PITPNM1: variants seen among roughly 807,000 people sequenced by gnomAD.
PITPNM1 encodes membrane-associated phosphatidylinositol transfer protein 1.
PITPNM1 carries 74 observed loss-of-function variants against 133.3 expected under a neutral mutation model. The observed-to-expected ratio is 0.56, with a 90% CI of 0.46 to 0.67. The LOEUF (loss-of-function observed/expected upper bound fraction) is 0.67. PITPNM1 is among the 30% of genes least tolerant of loss of function. The pLI is 0.00. For synonymous variants in PITPNM1, 738 were observed against 741.4 expected (o/e 1.00, Z 0.08); for missense variants, 1,398 against 1,739.5 (o/e 0.80, Z 3.49).
At position 67,494,086 on chromosome 11, in the gene PITPNM1, G is replaced by T. The variant is rs1004352260; in HGVS notation, c.2860-16C>A. ...AGACATCCACCTGGAGGGGAGAAGG[G>T]GCGGGAGGTAAATGGGGGCCCTGCG... On this transcript the variant is annotated splice_polypyrimidine_tract_variant and intron_variant, in intron 19 of 23. Transcript: ENST00000356404. 1 of 1,601,042 alleles carries T rather than the reference G, an allele frequency of 6.2e-7. No homozygotes were observed. The highest frequency in any genetic ancestry group is 8.5e-7 in the Non-Finnish European group (1 of 1,172,476).
At position 67,504,431 on chromosome 11, in the gene PITPNM1, C is replaced by T. The variant is rs1009394658; in HGVS notation, c.-41-210G>A. The T allele has an allele frequency of 1.8e-5, 3 of 170,476 alleles. No individual in the cohort carries two copies. Among genetic ancestry groups the T allele is most frequent in the African/African-American group, 7.2e-5 (3 of 41,922 alleles). 10.6% of individuals were successfully genotyped at this position (170,476 alleles called of 1,614,324 possible). ...GACCTCTTTTCCGCGCAGCCCCCGC[C>T]CCCCGCCCGCCCGTCGCCATGGCAA... On this transcript the variant is annotated intron_variant, in intron 1 of 23. Transcript: ENST00000356404. The surrounding 1 kb of genome is among the most constrained non-coding windows in gnomAD (Gnocchi z 5.4).
Position 67,502,533 on chromosome 11 carries a change from G to A in PITPNM1, c.264C>T (p.Ser88=). ...PKAALQVEEE[S]WNAYPYTRTR... is the part of the protein sequence containing the mutation. Reference sequence around the variant, plus strand: ...TTCGGGTGTAGGGGTAGGCATTCCAGGATTCCTCTTCTACCTGCAGGGCAG... The same window carrying A: ...TTCGGGTGTAGGGGTAGGCATTCCAAGATTCCTCTTCTACCTGCAGGGCAG... The change falls in exon 3 of 24, where the codon TCC becomes TCT. Residue 88 remains serine, a synonymous_variant. Transcript: ENST00000356404. The surrounding 1 kb of genome is among the most constrained non-coding windows in gnomAD (Gnocchi z 5.9). 3.7e-6 allele frequency: 6 copies of A among 1,613,784 alleles called. No individual in the cohort carries two copies. In the Admixed American group the frequency reaches 6.7e-5, roughly 18 times the overall value.
rs1240197651 is a variant in PITPNM1 at position 67,502,035 on chromosome 11, T to A, written c.467A>T (p.Glu156Val). 6.2e-7 allele frequency: 1 copy of A among 1,613,286 alleles called. No individual in the cohort carries two copies. The highest frequency in any genetic ancestry group is 8.5e-7 in the Non-Finnish European group (1 of 1,180,022). The change falls in exon 5 of 24, where the codon GAA (glutamate) becomes GTA (valine). Residue 156 changes from glutamate (E) to valine (V), a missense_variant. Around this residue, in one of 5 missense-constraint regions of PITPNM1, gnomAD observed 274 missense variants for 360.7 expected, o/e 0.76. Coordinates refer to ENST00000356404, the MANE Select transcript of PITPNM1 (RefSeq NM_004910.3). This position sits in a 1 kb window ranked among gnomAD's most constrained non-coding sequence, Gnocchi z 5.9. ...CGAGTGATAAAGCCGGGGGTCCTCT[T>A]CTGCTTTGTACTCGCCTGGGGCCAC... ...DAVAPGEYKAEEDPRLYHSVK... is the reference protein window; with the variant it reads ...DAVAPGEYKAVEDPRLYHSVK...
chr11:67,492,205 C>T lies in PITPNM1; in HGVS notation c.3563G>A (p.Gly1188Asp). Residue 1188 changes from glycine (G) to aspartate (D), a missense_variant, in exon 24 of 24, where the codon GGC becomes GAC. This residue lies in a region of PITPNM1 where 122 missense variants were observed against 123.3 expected (regional missense o/e 0.99). Transcript: ENST00000356404. ...ASSGPPRAALGKSSYGVAAPV... is the reference protein window; with the variant it reads ...ASSGPPRAALDKSSYGVAAPV... ...GGCAGCCACACCATAGCTGCTCTTGCCCAAGGCAGCTCTCGGGGGTCCCGA... is the reference window on the plus strand; with the variant it reads ...GGCAGCCACACCATAGCTGCTCTTGTCCAAGGCAGCTCTCGGGGGTCCCGA... 6.2e-7 allele frequency: 1 copy of T among 1,610,834 alleles called. No individual in the cohort carries two copies. The highest frequency in any genetic ancestry group is 2.2e-5 in the East Asian group (1 of 44,846).
chr11:67,494,409 G>T, intron 18 of PITPNM1, 49 bp from the exon 19 acceptor site: 1 of 1,346,576 alleles, frequency 7.4e-7, no homozygotes, highest in Non-Finnish European at 1.0e-6. Flanking sequence ...GGATGGGGAT[G>T]CTTGGGGAGG....
At chr11:67,499,889 T>C in intron 7 of PITPNM1, 25 bp downstream of exon 7, 1 of 1,603,418 alleles carries the variant, frequency 6.2e-7, no homozygotes, top group Non-Finnish European at 8.5e-7. Flanking sequence ...ACATCCCCAC[T>C]CCCAAAAAGG....
chr11:67,492,339 G>T (rs1209667011), intron 23 of PITPNM1, 43 bp from the exon 24 acceptor site: 1 of 1,504,808 alleles, frequency 6.6e-7, no homozygotes, highest in Admixed American at 2.3e-5. Context: ...GCTGGCCAAG[G>T]GCCCACACGC....
At position 67,496,036 on chromosome 11, in the gene PITPNM1, CA is replaced by C. The variant is rs1591056386; in HGVS notation, c.2317+141del. The C allele has an allele frequency of 1.2e-5, 10 of 847,844 alleles. No individual in the cohort carries two copies. In the East Asian group the frequency reaches 3.3e-4, roughly 28 times the overall value. 52.5% of individuals were successfully genotyped at this position (847,844 alleles called of 1,614,324 possible). A position where few individuals can be genotyped will look rare whatever the true frequency, so the allele number is the denominator to read the frequency against. ...AGGGTCCTGGGGATCCAGACCCCCC[CA>C]GGGGGAAGGAGCGCCTGGTCCTGGG... On this transcript the variant is annotated intron_variant, in intron 15 of 23. Coordinates refer to ENST00000356404, the MANE Select transcript of PITPNM1 (RefSeq NM_004910.3).
intron 16 of PITPNM1, 75 bp from the exon 17 acceptor site, chr11:67,495,300 CT>C: frequency 6.7e-7 from 1 of 1,493,240 alleles, no homozygotes. Context: ...GTGCTCTTCC[CT>C]CCCCCCTTTT....
At chr11:67,503,512 G>A (rs1866398611) in intron 2 of PITPNM1, among the ~76,000 whole-genome samples, 1 of 152,196 alleles carries the variant, frequency 6.6e-6, no homozygotes, top group South Asian at 2.1e-4. Context: ...GGCTCAGATG[G>A]CCCTTTCAAG....
chr11:67,493,053 T>G lies in PITPNM1; in HGVS notation c.3352A>C (p.Asn1118His), dbSNP rs759798852. 3.7e-6 allele frequency: 6 copies of G among 1,612,998 alleles called. No homozygotes were observed. The highest frequency in any genetic ancestry group is 5.1e-6 in the Non-Finnish European group (6 of 1,179,904). Residue 1118 changes from asparagine (N) to histidine (H), a missense_variant, in exon 23 of 24, where the codon AAC becomes CAC. Coordinates refer to ENST00000356404, the MANE Select transcript of PITPNM1 (RefSeq NM_004910.3). Reference protein sequence around the residue: ...LQSLVQEVELNIVAGYGSPKD... With the variant: ...LQSLVQEVELHIVAGYGSPKD... Reference sequence around the variant, plus strand: ...GGAGACCCATAACCGGCCACGATGTTCAGTTCTACCTGTGGCGGGAGATGC... The same window carrying G: ...GGAGACCCATAACCGGCCACGATGTGCAGTTCTACCTGTGGCGGGAGATGC...
chr11:67,501,674 T>G (rs1282169157), intron 5 of PITPNM1, among the ~76,000 whole-genome samples, 188 bp downstream of exon 5: 1 of 152,216 alleles, frequency 6.6e-6, no homozygotes, highest in Middle Eastern at 3.2e-3. Context: ...GTAGATCATG[T>G]TACCAGCTTC....
rs143525313 is a variant in PITPNM1, at chr11:67,499,958, C to T, written c.1019G>A (p.Arg340Gln). ...LSEWRMQNIA[R>Q]DSENSSEEEF... ...TTCCTCGGAGCTGTTCTCAGAGTCT[C>T]GGGCAATGTTCTGCATGCGCCACTC... Residue 340 changes from arginine (R) to glutamine (Q), a missense_variant, in exon 7 of 24, where the codon CGA (arginine) becomes CAA (glutamine). By Grantham distance (43) the Arg-to-Gln change is conservative. Coordinates refer to ENST00000356404, the MANE Select transcript of PITPNM1 (RefSeq NM_004910.3). 4.3e-5 allele frequency: 70 copies of T among 1,612,558 alleles called. No individual in the cohort carries two copies. The East Asian group carries it at 1.5e-3, about 34-fold the overall frequency.
Position 67,497,903 on chromosome 11 carries a change from T to C in PITPNM1, c.1782+14A>G, listed in dbSNP as rs762340535. ...CTTTCCGCTCCTGAGGAGGCCGGGT[T>C]TGGCTATACTGACCATGCTCCCACG... is the stretch of plus-strand genomic sequence containing the variant. On this transcript the variant is annotated intron_variant, in intron 12 of 23. Coordinates refer to ENST00000356404, the MANE Select transcript of PITPNM1 (RefSeq NM_004910.3). 6.2e-7 allele frequency: 1 copy of C among 1,608,416 alleles called. No individual in the cohort carries two copies. Among genetic ancestry groups the C allele is most frequent in the Admixed American group, 1.7e-5 (1 of 59,980 alleles).
At position 67,498,600 on chromosome 11, in the gene PITPNM1, A is replaced by T. The variant is rs1219171384; in HGVS notation, c.1480T>A (p.Ser494Thr). 3 of 1,595,500 alleles carry T rather than the reference A, an allele frequency of 1.9e-6. No homozygotes were observed. The South Asian group carries it at 3.3e-5, about 18-fold the overall frequency. The part of the protein sequence containing the change: ...PICAAAYALV[S>T]NLSPYSHDGD... Reference sequence around the variant, plus strand: ...CCTTCCACCCGTGGCTAGTACTTGGAGACAAGGGCATAGGCGGCGGCGCAG... The same window carrying T: ...CCTTCCACCCGTGGCTAGTACTTGGTGACAAGGGCATAGGCGGCGGCGCAG... Residue 494 changes from serine (S) to threonine (T), a missense_variant, in exon 10 of 24, where the codon TCC (serine) becomes ACC (threonine). Ser to Thr is a moderately conservative substitution (Grantham distance 58). Transcript: ENST00000356404. This position sits in a 1 kb window ranked among gnomAD's most constrained non-coding sequence, Gnocchi z 5.7.
rs1866383112 is a variant in PITPNM1 at position 67,502,926 on chromosome 11, G to A, written c.79-208C>T. Among the ~76,000 whole-genome samples, 1 of 152,222 alleles carries A rather than the reference G, an allele frequency of 6.6e-6. No individual in the cohort carries two copies. The highest frequency in any genetic ancestry group is 2.4e-5 in the African/African-American group (1 of 41,450). On this transcript the variant is annotated intron_variant, in intron 2 of 23. Coordinates refer to ENST00000356404, the MANE Select transcript of PITPNM1 (RefSeq NM_004910.3). This position sits in a 1 kb window ranked among gnomAD's most constrained non-coding sequence, Gnocchi z 5.9. ...CATGGGGTCTGCAACCCAGCACTCAGTTGAGTCATTCAAGTATTCATTGAG... is the reference window on the plus strand; with the variant it reads ...CATGGGGTCTGCAACCCAGCACTCAATTGAGTCATTCAAGTATTCATTGAG...
Position 67,492,209 on chromosome 11 carries a change from A to G in PITPNM1, c.3559T>C (p.Leu1187=), listed in dbSNP as rs767162638. 5 of 1,609,598 alleles carry G rather than the reference A, an allele frequency of 3.1e-6. No individual in the cohort carries two copies. In the African/African-American group the frequency reaches 5.4e-5, roughly 17 times the overall value. ...HASSGPPRAA[L]GKSSYGVAAP... is the part of the protein sequence containing the mutation. ...GCCACACCATAGCTGCTCTTGCCCAAGGCAGCTCTCGGGGGTCCCGAGGAG... is the reference window on the plus strand; with the variant it reads ...GCCACACCATAGCTGCTCTTGCCCAGGGCAGCTCTCGGGGGTCCCGAGGAG... Residue 1187 remains leucine (L), a synonymous_variant, in exon 24 of 24, where the codon TTG becomes CTG. Transcript: ENST00000356404.
intron 18 of PITPNM1, 63 bp downstream of exon 18, chr11:67,494,783 G>A (rs1316124239): frequency 2.3e-5 from 10 of 433,568 alleles, no homozygotes; most frequent in African/African-American, 7.2e-5. Context: ...GAGGGGCGGG[G>A]CCTCTCTGGT....
chr11:67,499,705 CCTAGGCGGTAT>C lies in PITPNM1; in HGVS notation c.1171+7_1171+17del. The C allele has an allele frequency of 7.1e-7, 1 of 1,413,528 alleles. No homozygotes were observed. The allele number at this position is 1,413,528 out of a possible 1,614,324, so 87.6% of individuals were successfully genotyped here. A position where few individuals can be genotyped will look rare whatever the true frequency, so the allele number is the denominator to read the frequency against. Reference sequence around the variant, plus strand: ...GTACACGGGTGCTGGGGGCCGGTGTCCTAGGCGGTATCTTTACCTGGCGTTCCCTCTGCCTC... The same window carrying C: ...GTACACGGGTGCTGGGGGCCGGTGTCCTTTACCTGGCGTTCCCTCTGCCTC... On this transcript the variant is annotated splice_region_variant and intron_variant, in intron 8 of 23. Transcript: ENST00000356404.
Sources: allele counts gnomAD v4.1 joint callset (sites outside exome capture counted in the v4.1 genomes callset), GRCh38; gene constraint gnomAD v4.1.1; regional missense constraint gnomAD v4.1.1; non-coding constraint Gnocchi (gnomAD v3.1); transcripts MANE v1.5; gene names NCBI Gene and HGNC (gene_info 2026-07-23, HGNC 2026-07-21).